AP3B1: variants seen among roughly 807,000 people sequenced by gnomAD.
AP3B1 encodes adaptor related protein complex 3 subunit beta 1, also known as AP-3 complex subunit beta-1.
In AP3B1, 61 loss-of-function variants were observed where a neutral mutation model predicts 132.5. That is an observed-to-expected ratio of 0.46 (90% CI 0.37 to 0.57). AP3B1 has a LOEUF of 0.57. Ranked by LOEUF, AP3B1 falls within the 20% of genes least tolerant of loss-of-function variation. AP3B1 has a pLI of 0.00. For missense variants in AP3B1, 1,120 were observed against 1,289.4 expected, an observed-to-expected ratio of 0.87 and a Z score of 2.01; for synonymous variants, 388 against 438.3, an observed-to-expected ratio of 0.89 and a Z score of 1.43.
chr5:78,252,885 G>A (rs918410766), intron 2 of AP3B1, among the ~76,000 whole-genome samples: 1 of 152,216 alleles, frequency 6.6e-6, no homozygotes, highest in Non-Finnish European at 1.5e-5. Flanking sequence ...GAGCAAACAT[G>A]GCAATAGCCA....
intron 14 of AP3B1, among the ~76,000 whole-genome samples, chr5:78,148,457 G>A (rs78637292): frequency 0.041 from 6,197 of 152,076 alleles, 191 homozygotes; most frequent in East Asian, 0.14. Flanking sequence ...ACTACTTTTT[G>A]AACACCAGAT....
At chr5:78,005,217 T>C (rs1030057870) in intron 26 of AP3B1, among the ~76,000 whole-genome samples, 8 of 152,224 alleles carry the variant, frequency 5.3e-5, no homozygotes, top group Non-Finnish European at 1.0e-4. Context: ...GTTATAATTA[T>C]GTAAACAATA....
At chr5:78,198,751 C>T (rs1390282651) in intron 7 of AP3B1, among the ~76,000 whole-genome samples, 2 of 152,080 alleles carry the variant, frequency 1.3e-5, no homozygotes, top group Non-Finnish European at 2.9e-5. Context: ...GTTAGATGTA[C>T]CTGACAAGAC....
intron 14 of AP3B1, among the ~76,000 whole-genome samples, chr5:78,144,747 T>G (rs924645276): frequency 7.2e-5 from 11 of 152,192 alleles, no homozygotes; most frequent in African/African-American, 2.7e-4. Context: ...CATCTTTCAG[T>G]TGTTAAGATA....
chr5:78,238,353 T>C (rs1263104029), intron 3 of AP3B1, among the ~76,000 whole-genome samples: 1 of 152,180 alleles, frequency 6.6e-6, no homozygotes, highest in African/African-American at 2.4e-5. Context: ...GTGAGTTATA[T>C]AATTATTTCA....
At position 78,168,021 on chromosome 5, in the gene AP3B1, A is replaced by AC. The variant is rs533280078; in HGVS notation, c.1168-2350_1168-2349insG. On this transcript the variant is annotated intron_variant, in intron 11 of 26. Transcript: ENST00000255194. ...TTCACCAAAAACCTACTGAAAAAAA[A>AC]AAAAAAACAAAAAAAATAAAACAGC... 2.8e-3 allele frequency among the ~76,000 whole-genome samples: 421 copies of AC among 151,456 alleles called. 4 individuals carry two copies. The highest frequency in any genetic ancestry group is 9.6e-3 in the African/African-American group (399 of 41,352).
intron 3 of AP3B1, among the ~76,000 whole-genome samples, chr5:78,233,829 A>C (rs1429426168): frequency 7.5e-6 from 1 of 133,288 alleles, no homozygotes; most frequent in African/African-American, 2.8e-5. Context: ...CAGAATCAGG[A>C]TGCAAACAGG....
chr5:78,096,718 G>A (rs570291179), intron 21 of AP3B1, among the ~76,000 whole-genome samples: 1 of 151,678 alleles, frequency 6.6e-6, no homozygotes, highest in South Asian at 2.1e-4. Context: ...TGAGAAGGGA[G>A]GAGACCCTCC....
intron 22 of AP3B1, among the ~76,000 whole-genome samples, chr5:78,072,712 CTTTTTTTTTTT>C (rs34203981): frequency 1.2e-4 from 8 of 68,288 alleles, no homozygotes; most frequent in African/African-American, 3.8e-4. Flanking sequence ...CTGATATATT[CTTTTTTTTTTT>C]TTTTTTTTTT....
intron 15 of AP3B1, among the ~76,000 whole-genome samples, chr5:78,136,590 CT>C (rs1752919889): frequency 1.3e-5 from 2 of 152,140 alleles, no homozygotes; most frequent in South Asian, 4.1e-4. Flanking sequence ...CAGATTAACC[CT>C]CTTTCTACCG....
intron 20 of AP3B1, among the ~76,000 whole-genome samples, chr5:78,104,934 TAC>T (rs1751273483): frequency 6.6e-6 from 1 of 152,198 alleles, no homozygotes; most frequent in South Asian, 2.1e-4. Flanking sequence ...GCTACGTATA[TAC>T]AGTTGGTACT....
chr5:78,039,409 T>C (rs1747955734), intron 22 of AP3B1, 135 bp from the exon 23 acceptor site: 1 of 719,832 alleles, frequency 1.4e-6, no homozygotes, highest in Non-Finnish European at 2.4e-6. Flanking sequence ...CAAACATTAG[T>C]AGGATATCAC....
At chr5:78,224,910 G>T (rs1746342151) in intron 6 of AP3B1, among the ~76,000 whole-genome samples, 2 of 151,902 alleles carry the variant, frequency 1.3e-5, no homozygotes, top group African/African-American at 4.8e-5. Flanking sequence ...GAACAAGTAG[G>T]CATAAGATCA....
chr5:78,097,216 A>G (rs1213199400), intron 21 of AP3B1, among the ~76,000 whole-genome samples: 147 of 58,180 alleles, frequency 2.5e-3, no homozygotes, highest in Middle Eastern at 0.017. Context: ...CCGGCCAGCC[A>G]CCCCGTCCGG....
chr5:78,115,907 CA>C, intron 18 of AP3B1: 1 of 544,260 alleles, frequency 1.8e-6, no homozygotes, highest in South Asian at 1.9e-5. Context: ...ACCAATGTAT[CA>C]GCTACTATCC....
chr5:78,069,807 A>C (rs1375591412), intron 22 of AP3B1, among the ~76,000 whole-genome samples: 1 of 152,186 alleles, frequency 6.6e-6, no homozygotes, highest in East Asian at 1.9e-4. Context: ...ATCCTAAGCA[A>C]AAAGAACAAA....
In AP3B1 at chr5:78,169,775, A is replaced by G. The variant is rs184501304; in HGVS notation, c.1168-4103T>C. On this transcript the variant is annotated intron_variant, in intron 11 of 26. Coordinates refer to ENST00000255194, the MANE Select transcript of AP3B1 (RefSeq NM_003664.5). ...TTTATTTATTTATTTATATTATTATACATTAAGTTTTAGGGTATATGTGCA... is the reference window on the plus strand; with the variant it reads ...TTTATTTATTTATTTATATTATTATGCATTAAGTTTTAGGGTATATGTGCA... 5.0e-4 allele frequency among the ~76,000 whole-genome samples: 75 copies of G among 151,260 alleles called. 1 individual carries two copies. The highest frequency in any genetic ancestry group is 1.7e-3 in the African/African-American group (71 of 40,862).
intron 15 of AP3B1, among the ~76,000 whole-genome samples, chr5:78,138,039 T>C (rs1426806183): frequency 6.6e-6 from 1 of 152,222 alleles, no homozygotes; most frequent in Non-Finnish European, 1.5e-5. Flanking sequence ...TAAAGATGGC[T>C]AAAATAAATA....
At chr5:78,125,809 G>C (rs1413177695) in intron 17 of AP3B1, among the ~76,000 whole-genome samples, 1 of 152,114 alleles carries the variant, frequency 6.6e-6, no homozygotes. Flanking sequence ...AATTGGACAG[G>C]TGAAACGAAC....
Sources: gnomAD v4.1 joint callset for allele counts (sites outside exome capture counted in the v4.1 genomes callset) on GRCh38, gnomAD v4.1.1 for gene constraint, MANE v1.5 for transcripts, NCBI Gene and HGNC (gene_info 2026-07-23, HGNC 2026-07-21) for gene names.